NOX4: variants seen among roughly 807,000 people sequenced by gnomAD.
NOX4 encodes NADPH oxidase 4.
NOX4 carries 69 observed loss-of-function variants against 87.6 expected under a neutral mutation model. That is an observed-to-expected ratio of 0.79 (90% CI 0.65 to 0.96). The LOEUF (loss-of-function observed/expected upper bound fraction) is 0.96. Ranked by LOEUF, NOX4 falls within the 40% of genes least tolerant of loss-of-function variation. The pLI, the probability that NOX4 is intolerant of heterozygous loss-of-function variation, is 0.00. For missense variants in NOX4, 680 were observed against 681.5 expected (o/e 1.00, Z 0.02); for synonymous variants, 275 against 238.2 (o/e 1.15, Z -1.42).
At chr11:89,406,683 C>T (rs1695552836) in intron 8 of NOX4, among the ~76,000 whole-genome samples, 1 of 152,018 alleles carries the variant, frequency 6.6e-6, no homozygotes, top group South Asian at 2.1e-4. Flanking sequence ...AGAAAAGTGG[C>T]TATTGAGCAA....
intron 2 of NOX4, among the ~76,000 whole-genome samples, chr11:89,478,386 A>G (rs1157323052): frequency 6.6e-6 from 1 of 152,192 alleles, no homozygotes. Context: ...ATTTACAGGT[A>G]TATTTGTTAA....
intron 17 of NOX4, among the ~76,000 whole-genome samples, chr11:89,330,966 G>A (rs552743422): frequency 1.3e-5 from 2 of 152,014 alleles, no homozygotes; most frequent in East Asian, 1.9e-4. Flanking sequence ...TTGAAAACTT[G>A]AACATCACTA....
chr11:89,510,086 A>G, the NOX4 span, among the ~76,000 whole-genome samples: 3 of 152,044 alleles, frequency 2.0e-5, no homozygotes, highest in Non-Finnish European at 2.9e-5. Flanking sequence ...TGGTTGTATT[A>G]TAAGGCATAA....
the NOX4 span, among the ~76,000 whole-genome samples, chr11:89,585,325 A>T: frequency 6.6e-6 from 1 of 152,152 alleles, no homozygotes; most frequent in Admixed American, 6.6e-5. Context: ...AGACCTTCTG[A>T]AATCCACTGT....
chr11:89,546,112 GTTCT>G, the NOX4 span, among the ~76,000 whole-genome samples: 2 of 152,116 alleles, frequency 1.3e-5, no homozygotes, highest in Non-Finnish European at 2.9e-5. Flanking sequence ...TTTTCAACTA[GTTCT>G]TTATTTCATT....
At chr11:89,452,795 G>T (rs916722035) in intron 2 of NOX4, among the ~76,000 whole-genome samples, 1 of 151,932 alleles carries the variant, frequency 6.6e-6, no homozygotes, top group African/African-American at 2.4e-5. Flanking sequence ...GCTCACTGCA[G>T]CCCCTTCCTC....
chr11:89,456,146 T>C (rs985012798), intron 2 of NOX4, among the ~76,000 whole-genome samples: 23 of 152,128 alleles, frequency 1.5e-4, no homozygotes, highest in Non-Finnish European at 4.4e-5. Flanking sequence ...TTATGACATA[T>C]TGCATGTTTG....
intron 17 of NOX4, among the ~76,000 whole-genome samples, chr11:89,333,220 A>G (rs1425407130): frequency 6.6e-6 from 1 of 151,858 alleles, no homozygotes; most frequent in Non-Finnish European, 1.5e-5. Context: ...GAAATTGTCC[A>G]TGATCAAAAG....
intron 17 of NOX4, among the ~76,000 whole-genome samples, chr11:89,333,376 TCA>T (rs774142404): frequency 1.6e-4 from 24 of 151,436 alleles, no homozygotes; most frequent in Admixed American, 6.6e-5. Context: ...TAAATATATA[TCA>T]CACACACACA....
chr11:89,414,141 C>T (rs1377811221), intron 8 of NOX4, among the ~76,000 whole-genome samples: 1 of 152,000 alleles, frequency 6.6e-6, no homozygotes, highest in African/African-American at 2.4e-5. Flanking sequence ...TTCTAGGAAT[C>T]AATCCTCTTT....
At chr11:89,388,316 AGGG>A (rs1184911027) in intron 11 of NOX4, among the ~76,000 whole-genome samples, 1 of 152,076 alleles carries the variant, frequency 6.6e-6, no homozygotes, top group Admixed American at 6.6e-5. Flanking sequence ...GTTGCCTGGG[AGGG>A]CTCACCACTG....
At chr11:89,501,284 A>G (rs1947014765), upstream of NOX4, among the ~76,000 whole-genome samples, 1 of 152,076 alleles carries the variant, frequency 6.6e-6, no homozygotes, top group Non-Finnish European at 1.5e-5. Context: ...TTGAGACTTC[A>G]GAGTGTAGAA....
chr11:89,393,695 A>G (rs917685557), intron 11 of NOX4, among the ~76,000 whole-genome samples: 9 of 152,172 alleles, frequency 5.9e-5, no homozygotes, highest in Non-Finnish European at 1.0e-4. Flanking sequence ...TATACACATT[A>G]TTTTATAAAC....
At chr11:89,508,213 A>G in the NOX4 span, among the ~76,000 whole-genome samples, 1 of 152,090 alleles carries the variant, frequency 6.6e-6, no homozygotes, top group African/African-American at 2.4e-5. Context: ...ATTAGGTAGA[A>G]AAACAAACAT....
chr11:89,345,814 T>G (rs923457535), intron 13 of NOX4, among the ~76,000 whole-genome samples: 5 of 152,098 alleles, frequency 3.3e-5, no homozygotes, highest in African/African-American at 1.2e-4. Context: ...ATAAGAGCCA[T>G]CTATGACAAA....
intron 7 of NOX4, among the ~76,000 whole-genome samples, chr11:89,422,427 C>A: frequency 6.6e-6 from 1 of 152,110 alleles, no homozygotes; most frequent in African/African-American, 2.4e-5. Context: ...AAATAGATGA[C>A]GACCAAAGTG....
chr11:89,481,245 T>C (rs1946379040), intron 2 of NOX4, among the ~76,000 whole-genome samples: 1 of 152,008 alleles, frequency 6.6e-6, no homozygotes, highest in Middle Eastern at 3.2e-3. Flanking sequence ...CTTTTTAACA[T>C]ATATATGTTA....
chr11:89,542,430 T>C, the NOX4 span, among the ~76,000 whole-genome samples: 1 of 152,348 alleles, frequency 6.6e-6, no homozygotes, highest in Admixed American at 6.5e-5. Flanking sequence ...TGTTTAAAGT[T>C]AGAAGTTATG....
In NOX4 at chr11:89,480,727, T is replaced by G. The variant is rs568078098; in HGVS notation, c.153+9731A>C. On this transcript the variant is annotated intron_variant, in intron 2 of 17. Coordinates refer to ENST00000263317, the MANE Select transcript of NOX4 (RefSeq NM_016931.5). The stretch of plus-strand genomic sequence containing the variant: ...TGCAGCAAAGAACATAACAGGAACT[T>G]GGCACAATGTCAGGCCCATGAAAAG... Among the ~76,000 whole-genome samples the G allele has an allele frequency of 4.5e-4, 68 of 152,000 alleles. 1 individual carries two copies. Among genetic ancestry groups the G allele is most frequent in the Non-Finnish European group, 1.2e-4 (8 of 67,914 alleles).
Sources: allele counts gnomAD v4.1 joint callset (sites outside exome capture counted in the v4.1 genomes callset), GRCh38; gene constraint gnomAD v4.1.1; transcripts MANE v1.5; gene names NCBI Gene and HGNC (gene_info 2026-07-23, HGNC 2026-07-21).